The following FOCAD variants were observed in gnomAD, a reference collection of about 807,000 sequenced individuals.
FOCAD encodes the protein focadhesin.
FOCAD carries 198 observed loss-of-function variants against 225.6 expected under a neutral mutation model. The ratio of observed to expected loss-of-function variants is 0.88; its 90% CI spans 0.78 to 0.99. The LOEUF (loss-of-function observed/expected upper bound fraction) is 0.99. Among genes scored for constraint, FOCAD ranks in the 50% least tolerant of loss-of-function variants. The pLI, the probability that FOCAD is intolerant of heterozygous loss-of-function variation, is 0.00. For missense variants in FOCAD, 2,713 were observed against 2,123.6 expected (o/e 1.28, Z -5.46); for synonymous variants, 897 against 755.0 (o/e 1.19, Z -3.08).
intron 1 of FOCAD, among the ~76,000 whole-genome samples, chr9:20,713,578 T>G (rs1162706880): frequency 6.6e-6 from 1 of 152,216 alleles, no homozygotes; most frequent in Non-Finnish European, 1.5e-5. Context: ...GTTTAAAAAA[T>G]TATCTGCTGC....
intron 15 of FOCAD, among the ~76,000 whole-genome samples, chr9:20,857,089 A>G (rs1315448376): frequency 6.6e-6 from 1 of 151,938 alleles, no homozygotes; most frequent in Non-Finnish European, 1.5e-5. Context: ...ATGTTTCTGT[A>G]TAAATTTTAG....
At chr9:20,877,744 T>A (rs1830344911) in intron 19 of FOCAD, among the ~76,000 whole-genome samples, 1 of 152,114 alleles carries the variant, frequency 6.6e-6, no homozygotes, top group Non-Finnish European at 1.5e-5. Flanking sequence ...ACCCTGCCTC[T>A]ACCAAAAATA....
chr9:20,973,307 G>A (rs1029580064), intron 35 of FOCAD, among the ~76,000 whole-genome samples: 3 of 149,676 alleles, frequency 2.0e-5, no homozygotes, highest in African/African-American at 7.4e-5. Context: ...ACTTTGCCCT[G>A]TTCTGCTTCC....
chr9:20,958,078 C>T (rs1838365535), intron 35 of FOCAD, among the ~76,000 whole-genome samples: 1 of 141,432 alleles, frequency 7.1e-6, no homozygotes, highest in Admixed American at 7.4e-5. Flanking sequence ...TGTATAACTT[C>T]AGGCAAACTG....
At chr9:20,659,902 A>G (rs1290310206) in intron 2 of FOCAD, among the ~76,000 whole-genome samples, 2 of 152,214 alleles carry the variant, frequency 1.3e-5, no homozygotes, top group African/African-American at 4.8e-5. Context: ...GAGATATGAG[A>G]GATAGCTCAG....
intron 8 of FOCAD, among the ~76,000 whole-genome samples, chr9:20,777,639 A>T (rs1200006622): frequency 6.6e-6 from 1 of 152,280 alleles, no homozygotes; most frequent in Admixed American, 6.5e-5. Flanking sequence ...CCTGGCACTA[A>T]TATTTCTTTT....
intron 2 of FOCAD, among the ~76,000 whole-genome samples, chr9:20,666,418 A>G (rs4509428): frequency 0.81 from 123,245 of 151,990 alleles, 50,071 homozygotes; most frequent in South Asian, 0.87. Context: ...AAAAAATACG[A>G]AAACAGCTGG....
chr9:20,696,902 G>A (rs1014186604), intron 1 of FOCAD, among the ~76,000 whole-genome samples: 3 of 152,160 alleles, frequency 2.0e-5, no homozygotes, highest in African/African-American at 7.2e-5. Flanking sequence ...ACCCTCAAGG[G>A]TGAGATTGGT....
At chr9:20,972,655 G>C (rs544892805) in intron 35 of FOCAD, among the ~76,000 whole-genome samples, 1 of 151,488 alleles carries the variant, frequency 6.6e-6, no homozygotes, top group African/African-American at 2.4e-5. Flanking sequence ...TTCTTTCTCT[G>C]CCTGCTTTTT....
chr9:20,806,726 C>G lies in FOCAD; in HGVS notation c.1456-13070C>G, dbSNP rs1286806101. ...ATCTAAATTCAAGCATTTTCTGTTA[C>G]TAGATTATTAGCTATTAGGTTTATT... On this transcript the variant is annotated intron_variant, in intron 11 of 43. Transcript: ENST00000338382. 3.3e-5 allele frequency among the ~76,000 whole-genome samples: 5 copies of G among 151,986 alleles called. No individual in the cohort carries two copies. The East Asian group carries it at 9.6e-4, about 29-fold the overall frequency.
rs1838270612 is a variant in FOCAD at position 20,957,473 on chromosome 9, C to CTTTTCTTTTTTTTTT, written c.4132+4413_4132+4427dup. 4.0e-5 allele frequency: 2 copies of CTTTTCTTTTTTTTTT among 49,460 alleles called. 1 individual carries two copies. Among genetic ancestry groups the CTTTTCTTTTTTTTTT allele is most frequent in the African/African-American group, 1.5e-4 (2 of 13,766 alleles). 3.1% of individuals were successfully genotyped at this position (49,460 alleles called of 1,614,324 possible). A position where few individuals can be genotyped will look rare whatever the true frequency, so the allele number is the denominator to read the frequency against. ...ATTTCAATTTTAGTGAACATCTTTT[C>CTTTTCTTTTTTTTTT]TTTTCTTTTTTTTTTTTTTTTGAGA... On this transcript the variant is annotated intron_variant, in intron 35 of 43. Coordinates refer to ENST00000338382, the MANE Select transcript of FOCAD (RefSeq NM_001375567.1).
At chr9:20,779,857 C>G (rs186479086) in intron 9 of FOCAD, among the ~76,000 whole-genome samples, 1 of 152,040 alleles carries the variant, frequency 6.6e-6, no homozygotes, top group Admixed American at 6.5e-5. Flanking sequence ...CTACAGTGTG[C>G]CTTGGAAATG....
At chr9:20,704,685 G>C (rs1262131801) in intron 1 of FOCAD, among the ~76,000 whole-genome samples, 1 of 152,162 alleles carries the variant, frequency 6.6e-6, no homozygotes, top group Non-Finnish European at 1.5e-5. Context: ...GTAAACATAA[G>C]TAACAAAGTA....
chr9:20,900,801 A>C (rs1188560014), intron 21 of FOCAD, among the ~76,000 whole-genome samples: 1 of 151,938 alleles, frequency 6.6e-6, no homozygotes, highest in Non-Finnish European at 1.5e-5. Context: ...TAAATAACAG[A>C]ATAAATGGTT....
chr9:20,734,761 C>T (rs181472030), intron 4 of FOCAD, among the ~76,000 whole-genome samples: 4 of 152,182 alleles, frequency 2.6e-5, no homozygotes, highest in East Asian at 3.9e-4. Context: ...CCTCCCACCT[C>T]GGTCCCCCAA....
chr9:20,854,461 G>T (rs1827969669), intron 15 of FOCAD, among the ~76,000 whole-genome samples: 1 of 151,674 alleles, frequency 6.6e-6, no homozygotes, highest in Non-Finnish European at 1.5e-5. Context: ...GAGTTTGAGG[G>T]AAATTAATGA....
At chr9:20,928,371 C>T (rs983916748) in intron 26 of FOCAD, among the ~76,000 whole-genome samples, 1 of 151,982 alleles carries the variant, frequency 6.6e-6, no homozygotes, top group African/African-American at 2.4e-5. Flanking sequence ...TAACTTAGTA[C>T]GTTTGATTTT....
chr9:20,876,972 T>A (rs2131810402), intron 19 of FOCAD, among the ~76,000 whole-genome samples: 1 of 152,290 alleles, frequency 6.6e-6, no homozygotes, highest in East Asian at 1.9e-4. Flanking sequence ...TAAAAAATAG[T>A]TTTGAAATAA....
chr9:20,812,837 A>C (rs527359301), intron 11 of FOCAD, among the ~76,000 whole-genome samples: 105 of 152,122 alleles, frequency 6.9e-4, no homozygotes, highest in Non-Finnish European at 1.4e-3. Flanking sequence ...ATATCTTCTG[A>C]CTCTTAAAAA....
Sources: allele counts gnomAD v4.1 joint callset (sites outside exome capture counted in the v4.1 genomes callset), GRCh38; gene constraint gnomAD v4.1.1; transcripts MANE v1.5; gene names NCBI Gene and HGNC (gene_info 2026-07-23, HGNC 2026-07-21).